ZNF12: variants seen among roughly 807,000 people sequenced by gnomAD.
ZNF12 encodes the protein zinc finger protein 12, also known as gonadotropin inducible transcription repressor 3.
ZNF12 carries 34 observed loss-of-function variants against 66.6 expected under a neutral mutation model. That is an observed-to-expected ratio of 0.51 (90% CI 0.39 to 0.68). The LOEUF (loss-of-function observed/expected upper bound fraction) is 0.68, where lower values mean the gene tolerates loss of function less well. Among genes scored for constraint, ZNF12 ranks in the 30% least tolerant of loss-of-function variants. The probability of loss-of-function intolerance (pLI) is 0.00; values close to 1 mark genes in which losing one functional copy is unlikely to be tolerated. For missense variants in ZNF12, 697 were observed against 826.9 expected, an observed-to-expected ratio of 0.84 and a Z score of 1.93; for synonymous variants, 320 against 278.9, an observed-to-expected ratio of 1.15 and a Z score of -1.47.
rs548815414 is a variant in ZNF12 at position 6,689,159 on chromosome 7, G to A, written c.*1689C>T. 1 of 152,342 alleles carries A rather than the reference G, an allele frequency of 6.6e-6. No homozygotes were observed. Among genetic ancestry groups the A allele is most frequent in the South Asian group, 2.1e-4 (1 of 4,832 alleles). The allele number at this position is 152,342 out of a possible 1,614,324, so 9.4% of individuals were successfully genotyped here. A position where few individuals can be genotyped will look rare whatever the true frequency, so the allele number is the denominator to read the frequency against. On this transcript the variant is annotated 3_prime_UTR_variant, in exon 5 of 5. Transcript: ENST00000405858. ...CCTAAATCAACTGGCTTAAAAATAA[G>A]TTTAGTCTCTCACAAAAGAAACAGT...
At position 6,691,992 on chromosome 7, in the gene ZNF12, C is replaced by A; in HGVS notation, c.950G>T (p.Arg317Ile). The change falls in exon 5 of 5, where the codon AGA (arginine) becomes ATA (isoleucine). Residue 317 changes from arginine to isoleucine, a missense_variant. By Grantham distance (97) the Arg-to-Ile change is moderately conservative. Around this residue, in one of 3 missense-constraint regions of ZNF12, gnomAD observed 401 missense variants for 519.0 expected, o/e 0.77. Coordinates refer to ENST00000405858, the MANE Select transcript of ZNF12 (RefSeq NM_016265.4). ...CQKGTLTVHQ[R>I]THTGEKPYEC... is the part of the protein sequence containing the mutation. The stretch of plus-strand genomic sequence containing the variant: ...ATAGGGCTTCTCCCCTGTGTGTGTT[C>A]TCTGATGCACAGTAAGGGTTCCCTT... 1 of 1,614,092 alleles carries A rather than the reference C, an allele frequency of 6.2e-7. No homozygotes were observed. Among genetic ancestry groups the A allele is most frequent in the African/African-American group, 1.3e-5 (1 of 75,012 alleles).
At position 6,697,367 on chromosome 7, in the gene ZNF12, TTCTACTATCCA is replaced by T. The variant is rs749430055; in HGVS notation, c.199_209del (p.Trp67ArgfsTer11). The T allele has an allele frequency of 6.2e-7, 1 of 1,611,682 alleles. No homozygotes were observed. The highest frequency in any genetic ancestry group is 1.1e-5 in the South Asian group (1 of 90,418). ...GATAGCTCTGAAGTAGGAATTCTCC[TTCTACTATCCA>T]TGGCTCTTCTCCTTGCTCCAACTTG... On this transcript the variant is annotated frameshift_variant, in exon 4 of 5. Transcript: ENST00000405858. LOFTEE classifies it high-confidence loss of function. This position sits in a 1 kb window ranked among gnomAD's most constrained non-coding sequence, Gnocchi z 6.1.
chr7:6,705,182 G>C lies in ZNF12; in HGVS notation c.-9C>G, dbSNP rs1275685880. 1 of 1,613,626 alleles carries C rather than the reference G, an allele frequency of 6.2e-7. No homozygotes were observed. The highest frequency in any genetic ancestry group is 1.1e-5 in the South Asian group (1 of 91,044). On this transcript the variant is annotated 5_prime_UTR_variant, in exon 2 of 5. Coordinates refer to ENST00000405858, the MANE Select transcript of ZNF12 (RefSeq NM_016265.4). The surrounding 1 kb of genome is among the most constrained non-coding windows in gnomAD (Gnocchi z 4.0). ...ACCAGGGATTTATTCATTTTCTGCT[G>C]CTCTTGGAAAAATCTGGAGGACTGT...
At chr7:6,703,180 C>T (rs1780285412) in intron 2 of ZNF12, among the ~76,000 whole-genome samples, 1 of 152,212 alleles carries the variant, frequency 6.6e-6, no homozygotes, top group African/African-American at 2.4e-5. Context: ...CAGTCTTCCC[C>T]ATCCCAGCTT....
At chr7:6,701,491 C>G (rs998436705) in intron 2 of ZNF12, among the ~76,000 whole-genome samples, 1 of 152,142 alleles carries the variant, frequency 6.6e-6, no homozygotes, top group African/African-American at 2.4e-5. Flanking sequence ...ACACCAGTAT[C>G]ATGACACAAG....
chr7:6,700,336 C>CACACACATAT (rs59783256), intron 2 of ZNF12, among the ~76,000 whole-genome samples: 5,488 of 142,762 alleles, frequency 0.038, 157 homozygotes, highest in African/African-American at 0.068. Flanking sequence ...CACACACACA[C>CACACACATAT]ATATATATAC....
intron 2 of ZNF12, among the ~76,000 whole-genome samples, chr7:6,700,287 AG>A (rs201919938): frequency 0.022 from 2,785 of 125,142 alleles, 112 homozygotes; most frequent in African/African-American, 0.092. Flanking sequence ...TCCGTCTGAG[AG>A]GAAAAAAAAA....
At position 6,689,427 on chromosome 7, in the gene ZNF12, G is replaced by T. The variant is rs1267610924; in HGVS notation, c.*1421C>A. 6.6e-6 allele frequency: 1 copy of T among 152,204 alleles called. No individual in the cohort carries two copies. The highest frequency in any genetic ancestry group is 1.5e-5 in the Non-Finnish European group (1 of 68,042). The allele number at this position is 152,204 out of a possible 1,614,324, so 9.4% of individuals were successfully genotyped here. A position where few individuals can be genotyped will look rare whatever the true frequency, so the allele number is the denominator to read the frequency against. On this transcript the variant is annotated 3_prime_UTR_variant, in exon 5 of 5. Coordinates refer to ENST00000405858, the MANE Select transcript of ZNF12 (RefSeq NM_016265.4). ...AAGTAGTCTGTCAGGTATATCCTTT[G>T]TTTTATGTCTAGAATTGGGCCCTGT...
At chr7:6,702,913 G>C (rs71524071) in intron 2 of ZNF12, among the ~76,000 whole-genome samples, 931 of 934 alleles carry the variant, frequency 1, 464 homozygotes, top group Middle Eastern at 1. Context: ...CCCCTAGAGT[G>C]GTGTCCCAAA....
At position 6,691,076 on chromosome 7, in the gene ZNF12, T is replaced by G. The variant is rs1171740086; in HGVS notation, c.1866A>C (p.Ile622=). The G allele has an allele frequency of 1.2e-6, 2 of 1,613,990 alleles. No individual in the cohort carries two copies. Among genetic ancestry groups the G allele is most frequent in the Non-Finnish European group, 8.5e-7 (1 of 1,179,992 alleles). The change falls in exon 5 of 5, where the codon ATA becomes ATC. Residue 622 remains isoleucine, a synonymous_variant. Transcript: ENST00000405858. The part of the protein sequence containing the change: ...KCFSQMSYLT[I]HHRIHSGEKP... The stretch of plus-strand genomic sequence containing the variant: ...TCTCTCCTGAATGAATTCGATGATG[T>G]ATAGTGAGATAGGACATCTGAGAGA...
In ZNF12 at chr7:6,690,802, A is replaced by G; in HGVS notation, c.*46T>C. 6.6e-7 allele frequency: 1 copy of G among 1,509,308 alleles called. No individual in the cohort carries two copies. The highest frequency in any genetic ancestry group is 8.8e-7 in the Non-Finnish European group (1 of 1,130,034). The allele number at this position is 1,509,308 out of a possible 1,614,324, so 93.5% of individuals were successfully genotyped here. A position where few individuals can be genotyped will look rare whatever the true frequency, so the allele number is the denominator to read the frequency against. On this transcript the variant is annotated 3_prime_UTR_variant, in exon 5 of 5. Transcript: ENST00000405858. ...GTTTGACTTCAGGCAGGAGTTTCTG[A>G]TTCACTATACTGAAAGGGTTCTCTG...
At position 6,690,914 on chromosome 7, in the gene ZNF12, G is replaced by A. The variant is rs1562597527; in HGVS notation, c.2028C>T (p.Phe676=). The A allele has an allele frequency of 1.2e-6, 2 of 1,614,032 alleles. No individual in the cohort carries two copies. Among genetic ancestry groups the A allele is most frequent in the African/African-American group, 1.3e-5 (1 of 75,064 alleles). The change falls in exon 5 of 5, where the codon TTC becomes TTT. Residue 676 remains phenylalanine (F), a synonymous_variant. Coordinates refer to ENST00000405858, the MANE Select transcript of ZNF12 (RefSeq NM_016265.4). ...TCCTATGAATTCTCTGATGGCTGTT[G>A]AATGCTGATTTGTGGTAGAATTTTT... ...CGKKFYHKSA[F]NSHQRIHRRG...
In ZNF12 at chr7:6,691,707, C is replaced by T. The variant is rs1361491874; in HGVS notation, c.1235G>A (p.Ser412Asn). ...GCGGCAGAAGCATTTCCCACATTCA[C>T]TACACTTGTAGAGTTTCACACCTGT... ...IHTGVKLYKC[S>N]ECGKCFCRKS... The change falls in exon 5 of 5, where the codon AGT (serine) becomes AAT (asparagine). Residue 412 changes from serine to asparagine, a missense_variant. Physicochemically the swap from Ser to Asn is conservative, Grantham distance 46 (BLOSUM62 1). This residue lies in a region of ZNF12 where 401 missense variants were observed against 519.0 expected (regional missense o/e 0.77). Coordinates refer to ENST00000405858, the MANE Select transcript of ZNF12 (RefSeq NM_016265.4). 5.0e-6 allele frequency: 8 copies of T among 1,613,758 alleles called. No homozygotes were observed. Among genetic ancestry groups the T allele is most frequent in the South Asian group, 2.2e-5 (2 of 91,072 alleles).
chr7:6,695,101 G>A (rs1014521725), intron 4 of ZNF12, among the ~76,000 whole-genome samples: 15 of 152,152 alleles, frequency 9.9e-5, no homozygotes, highest in Non-Finnish European at 1.9e-4. Flanking sequence ...TTGTTTAGTA[G>A]AGACAGAGTG....
In ZNF12 at chr7:6,706,523, T is replaced by C. The variant is rs1303838327; in HGVS notation, c.-142A>G. ...GCGCGCGTCTGCTCGCGAGGTCCCT[T>C]CCTGTCCACCTCACCAAGGCCGTTC... On this transcript the variant is annotated 5_prime_UTR_variant, in exon 1 of 5. Coordinates refer to ENST00000405858, the MANE Select transcript of ZNF12 (RefSeq NM_016265.4). The C allele has an allele frequency of 2.1e-6, 1 of 471,940 alleles. No homozygotes were observed. Among genetic ancestry groups the C allele is most frequent in the East Asian group, 6.6e-5 (1 of 15,198 alleles). 29.2% of individuals were successfully genotyped at this position (471,940 alleles called of 1,614,324 possible).
In ZNF12 at chr7:6,691,222, C is replaced by A; in HGVS notation, c.1720G>T (p.Glu574Ter). ...CATTCACTACATTCATAGGGCTTCT[C>A]TCCTGAATGAATTCTATGATGTATA... Reference protein sequence around the residue: ...LTIHHRIHSGEKPYECSECGK... With the variant: ...LTIHHRIHSG Residue 574 changes from glutamate to a stop codon, truncating the protein, a stop_gained, in exon 5 of 5, where the codon GAG (glutamate) becomes TAG (stop). Coordinates refer to ENST00000405858, the MANE Select transcript of ZNF12 (RefSeq NM_016265.4). LOFTEE classifies it high-confidence loss of function. The A allele has an allele frequency of 1.2e-6, 2 of 1,614,108 alleles. No individual in the cohort carries two copies. Among genetic ancestry groups the A allele is most frequent in the Non-Finnish European group, 1.7e-6 (2 of 1,180,014 alleles).
At position 6,688,819 on chromosome 7, in the gene ZNF12, T is replaced by G. The variant is rs1780025585; in HGVS notation, c.*2029A>C. ...CAGCTAACACTGTAGCAGTGGTATATGAATCACATAAATTACCTCCAACAA... is the reference window on the plus strand; with the variant it reads ...CAGCTAACACTGTAGCAGTGGTATAGGAATCACATAAATTACCTCCAACAA... On this transcript the variant is annotated 3_prime_UTR_variant, in exon 5 of 5. Transcript: ENST00000405858. The surrounding 1 kb of genome is among the most constrained non-coding windows in gnomAD (Gnocchi z 4.3). 6.6e-6 allele frequency: 1 copy of G among 152,594 alleles called. No homozygotes were observed. The highest frequency in any genetic ancestry group is 1.5e-5 in the Non-Finnish European group (1 of 68,050). 9.5% of individuals were successfully genotyped at this position (152,594 alleles called of 1,614,324 possible). A position where few individuals can be genotyped will look rare whatever the true frequency, so the allele number is the denominator to read the frequency against.
chr7:6,691,958 A>G lies in ZNF12; in HGVS notation c.984T>C (p.Asn328=). The part of the protein sequence containing the change: ...THTGEKPYEC[N]ECGKNFYQKL... ...TCTGGTAAAAGTTCTTCCCACATTCATTACATTCATAGGGCTTCTCCCCTG... is the reference window on the plus strand; with the variant it reads ...TCTGGTAAAAGTTCTTCCCACATTCGTTACATTCATAGGGCTTCTCCCCTG... Residue 328 remains asparagine (N), a synonymous_variant, in exon 5 of 5, where the codon AAT becomes AAC. Coordinates refer to ENST00000405858, the MANE Select transcript of ZNF12 (RefSeq NM_016265.4). 3 of 1,614,162 alleles carry G rather than the reference A, an allele frequency of 1.9e-6. No individual in the cohort carries two copies. The highest frequency in any genetic ancestry group is 2.5e-6 in the Non-Finnish European group (3 of 1,180,018).
At position 6,697,492 on chromosome 7, in the gene ZNF12, G is replaced by A. The variant is rs6964620; in HGVS notation, c.143-58C>T. Reference sequence around the variant, plus strand: ...CAGGCCGGTTGGCTTCAGGGTCTCTGTCATACAGGGAAAATTCCATTTGTG... The same window carrying A: ...CAGGCCGGTTGGCTTCAGGGTCTCTATCATACAGGGAAAATTCCATTTGTG... On this transcript the variant is annotated intron_variant, in intron 3 of 4. Coordinates refer to ENST00000405858, the MANE Select transcript of ZNF12 (RefSeq NM_016265.4). This position sits in a 1 kb window ranked among gnomAD's most constrained non-coding sequence, Gnocchi z 6.1. The A allele has an allele frequency of 1.7e-3, 2,644 of 1,550,244 alleles. 40 individuals are homozygous for A. In the African/African-American group the frequency reaches 0.033, roughly 19 times the overall value.
Sources: gnomAD v4.1 joint callset for allele counts (sites outside exome capture counted in the v4.1 genomes callset) on GRCh38, gnomAD v4.1.1 for gene constraint, gnomAD v4.1.1 regional missense constraint, Gnocchi (gnomAD v3.1) non-coding constraint, MANE v1.5 for transcripts, NCBI Gene and HGNC (gene_info 2026-07-23, HGNC 2026-07-21) for gene names.